Variants in RNF216 observed in about 807,000 individuals in gnomAD.
RNF216 encodes the protein E3 ubiquitin-protein ligase RNF216.
A neutral mutation model predicts 110.8 loss-of-function variants in RNF216; 72 were observed. The ratio of observed to expected loss-of-function variants is 0.65; its 90% CI spans 0.54 to 0.79. The LOEUF is 0.79. RNF216 is among the 30% of genes least tolerant of loss of function. RNF216 has a pLI of 0.00. For missense variants in RNF216, 1,342 were observed against 1,141.2 expected, an observed-to-expected ratio of 1.18 and a Z score of -2.54; for synonymous variants, 495 against 407.5, an observed-to-expected ratio of 1.21 and a Z score of -2.59.
rs150725128 is a variant in RNF216 at position 5,622,948 on chromosome 7, C to T, written c.2684G>A (p.Arg895Gln). ...APYVPPLPNVRVNYDFGPIHM... is the reference protein window; with the variant it reads ...APYVPPLPNVQVNYDFGPIHM... The stretch of plus-strand genomic sequence containing the variant: ...GATGGGACCGAAGTCATAGTTGACC[C>T]GCACGTTGGGCAGAGGGGGCACGTA... The change falls in exon 17 of 17, where the codon CGG becomes CAG. Residue 895 changes from arginine to glutamine, a missense_variant. Physicochemically the swap from Arg to Gln is conservative, Grantham distance 43 (BLOSUM62 1). Coordinates refer to ENST00000389902, the MANE Select transcript of RNF216 (RefSeq NM_207111.4). 1.5e-5 allele frequency: 25 copies of T among 1,613,852 alleles called. No homozygotes were observed. In the African/African-American group the frequency reaches 1.6e-4, roughly 10 times the overall value.
intron 3 of RNF216, among the ~76,000 whole-genome samples, 196 bp downstream of exon 3, chr7:5,752,650 G>C (rs1315018815): frequency 1.3e-5 from 2 of 152,174 alleles, no homozygotes; most frequent in Non-Finnish European, 2.9e-5. Flanking sequence ...TGGAACAATG[G>C]TGCAGATATT....
chr7:5,671,155 T>G (rs894582965), intron 13 of RNF216, among the ~76,000 whole-genome samples: 23 of 152,222 alleles, frequency 1.5e-4, no homozygotes, highest in African/African-American at 5.3e-4. Flanking sequence ...AGCTGTGCTC[T>G]AGTTAGGCTC....
intron 13 of RNF216, among the ~76,000 whole-genome samples, chr7:5,706,470 A>C (rs1009314837): frequency 1.3e-5 from 2 of 152,190 alleles, no homozygotes; most frequent in East Asian, 3.8e-4. Flanking sequence ...TTTAAGTGGA[A>C]TCGTGCAGTA....
chr7:5,725,467 T>A, intron 7 of RNF216, 29 bp from the exon 8 acceptor site: 1 of 1,290,382 alleles, frequency 7.7e-7, no homozygotes, highest in East Asian at 2.3e-5. Flanking sequence ...AAAGGTTCCT[T>A]CTGTAAATAG....
chr7:5,740,102 ACCTTTTTTTTTTTTTTTTTTTTTT>A (rs1260875969), intron 4 of RNF216, among the ~76,000 whole-genome samples: 4 of 129,196 alleles, frequency 3.1e-5, no homozygotes, highest in Admixed American at 1.5e-4. Context: ...CAGATGTAAC[ACCTTTTTTTTTTTTTTTTTTTTTT>A]TTTTTTTTTT....
chr7:5,741,952 T>C, intron 3 of RNF216, 137 bp from the exon 4 acceptor site: 3 of 848,014 alleles, frequency 3.5e-6, no homozygotes, highest in Non-Finnish European at 5.3e-6. Flanking sequence ...ATTCTTTACA[T>C]TTATCTTAAC....
At position 5,763,597 on chromosome 7, in the gene RNF216, GTC is replaced by G. The variant is rs201023713; in HGVS notation, c.-69-2461_-69-2460del. On this transcript the variant is annotated intron_variant, in intron 1 of 16. Transcript: ENST00000389902. The stretch of plus-strand genomic sequence containing the variant: ...GTCTTTTTTATTTCTTTTTGAGCCA[GTC>G]TCTCTCTGTCATCCTGGCTGGAGAG... Among the ~76,000 whole-genome samples, 41 of 152,142 alleles carry G rather than the reference GTC, an allele frequency of 2.7e-4. 1 individual carries two copies. In the East Asian group the frequency reaches 7.4e-3, roughly 27 times the overall value.
At chr7:5,631,276 C>CT (rs1399515093) in intron 15 of RNF216, among the ~76,000 whole-genome samples, 1 of 152,220 alleles carries the variant, frequency 6.6e-6, no homozygotes, top group Non-Finnish European at 1.5e-5. Flanking sequence ...AAACAGCCCA[C>CT]TTGTCGGCCT....
chr7:5,749,912 G>T (rs1396224859), intron 3 of RNF216, among the ~76,000 whole-genome samples: 1 of 152,056 alleles, frequency 6.6e-6, no homozygotes, highest in East Asian at 1.9e-4. Flanking sequence ...AACACTGCTG[G>T]TTCTTTTAAT....
At chr7:5,698,416 T>TAC (rs1451926753) in intron 13 of RNF216, among the ~76,000 whole-genome samples, 5 of 74,682 alleles carry the variant, frequency 6.7e-5, no homozygotes, top group Admixed American at 2.3e-4. Context: ...CACACACACA[T>TAC]ACACACACAC....
intron 13 of RNF216, among the ~76,000 whole-genome samples, chr7:5,673,184 C>A (rs1365433917): frequency 6.6e-6 from 1 of 152,208 alleles, no homozygotes; most frequent in Non-Finnish European, 1.5e-5. Flanking sequence ...GTCACCAGCA[C>A]CACCCCAAGC....
intron 1 of RNF216, among the ~76,000 whole-genome samples, chr7:5,765,068 TAAA>T (rs528737623): frequency 7.8e-6 from 1 of 128,496 alleles, no homozygotes; most frequent in Admixed American, 7.8e-5. Flanking sequence ...AAGACTCTCT[TAAA>T]AAAAAAAAAA....
intron 13 of RNF216, among the ~76,000 whole-genome samples, chr7:5,709,402 G>C (rs996223857): frequency 1.3e-5 from 2 of 152,190 alleles, no homozygotes; most frequent in Non-Finnish European, 2.9e-5. Flanking sequence ...ACTGGTTTCT[G>C]GATTTCTCAC....
chr7:5,658,167 A>T (rs1329167415), intron 13 of RNF216, among the ~76,000 whole-genome samples: 1 of 152,220 alleles, frequency 6.6e-6, no homozygotes, highest in Non-Finnish European at 1.5e-5. Context: ...ATGAGTAATC[A>T]GAACCTCCAT....
chr7:5,763,723 C>G (rs1203898107), intron 1 of RNF216, among the ~76,000 whole-genome samples: 2 of 152,098 alleles, frequency 1.3e-5, no homozygotes, highest in Non-Finnish European at 1.5e-5. Flanking sequence ...GCATGCACCA[C>G]CATGCCTAGC....
chr7:5,641,219 G>C lies in RNF216; in HGVS notation c.2317C>G (p.His773Asp), dbSNP rs1288245422. 2 of 1,614,072 alleles carry C rather than the reference G, an allele frequency of 1.2e-6. No homozygotes were observed. Among genetic ancestry groups the C allele is most frequent in the Admixed American group, 3.3e-5 (2 of 60,002 alleles). ...CAAGGGGCTCCTGGTGAGCGGGGAT[G>C]TTGGCAGAAATGGTCATATCCATTA... ...SINGYDHFCQ[H>D]PRSPGAPCQE... The change falls in exon 15 of 17, where the codon CAT (histidine) becomes GAT (aspartate). Residue 773 changes from histidine to aspartate, a missense_variant. Physicochemically the swap from His to Asp is moderately conservative, Grantham distance 81. Transcript: ENST00000389902.
chr7:5,715,922 T>C (rs1793033189), intron 10 of RNF216, among the ~76,000 whole-genome samples: 1 of 152,090 alleles, frequency 6.6e-6, no homozygotes, highest in Non-Finnish European at 1.5e-5. Context: ...TTTGTATTTT[T>C]AGTAGAGACG....
intron 1 of RNF216, among the ~76,000 whole-genome samples, chr7:5,768,661 CTTTG>C (rs1290907861): frequency 2.3e-5 from 3 of 131,278 alleles, no homozygotes; most frequent in Non-Finnish European, 4.9e-5. Flanking sequence ...AATGAAGCAA[CTTTG>C]TTTTTTTTTT....
chr7:5,717,770 C>T (rs1272194195), intron 9 of RNF216, among the ~76,000 whole-genome samples: 1 of 152,136 alleles, frequency 6.6e-6, no homozygotes, highest in Non-Finnish European at 1.5e-5. Context: ...GAAGAGTCTG[C>T]CAACATTTGG....
Sources: gnomAD v4.1 joint callset for allele counts (sites outside exome capture counted in the v4.1 genomes callset) on GRCh38, gnomAD v4.1.1 for gene constraint, MANE v1.5 for transcripts, NCBI Gene and HGNC (gene_info 2026-07-23, HGNC 2026-07-21) for gene names.